Variants in ANO10 observed in about 807,000 individuals in gnomAD.
ANO10 encodes the protein anoctamin-10.
A neutral mutation model predicts 74.7 loss-of-function variants in ANO10; 77 were observed. That is an observed-to-expected ratio of 1.03 (90% CI 0.86 to 1.25). The LOEUF is 1.25. Ranked by LOEUF, ANO10 falls within the 50% of genes most tolerant of loss-of-function variation. The pLI is 0.00. For synonymous variants in ANO10, 279 were observed against 284.9 expected (o/e 0.98, Z 0.21); for missense variants, 721 against 778.1 (o/e 0.93, Z 0.87).
At chr3:43,539,867 C>CT (rs1403433353) in intron 11 of ANO10, among the ~76,000 whole-genome samples, 3 of 152,200 alleles carry the variant, frequency 2.0e-5, no homozygotes, top group Admixed American at 2.0e-4. Context: ...AAAACGATCT[C>CT]TTGCAGAGGG....
rs369256840 is a variant in ANO10, at chr3:43,489,183, G to A, written c.1798-56456C>T. On this transcript the variant is annotated intron_variant, in intron 11 of 12. Coordinates refer to ENST00000292246, the MANE Select transcript of ANO10 (RefSeq NM_018075.5). ...TGGGGACTGTTGTGGGGTGGGGGGA[G>A]GGGGGAGGGATAGCATTGGGAGATA... 3.5e-4 allele frequency among the ~76,000 whole-genome samples: 40 copies of A among 115,650 alleles called. 1 individual carries two copies. The South Asian group carries it at 4.0e-3, about 12-fold the overall frequency. The allele number at this position is 115,650 out of a possible 152,430, so 75.9% of individuals were successfully genotyped here. A position where few individuals can be genotyped will look rare whatever the true frequency, so the allele number is the denominator to read the frequency against.
intron 1 of ANO10, among the ~76,000 whole-genome samples, chr3:43,616,684 T>G (rs1347124706): frequency 2.0e-5 from 3 of 152,148 alleles, no homozygotes; most frequent in African/African-American, 7.2e-5. Flanking sequence ...GCTCTGCTCC[T>G]CTTGTGCCCA....
intron 11 of ANO10, among the ~76,000 whole-genome samples, chr3:43,457,966 TA>T (rs1237420023): frequency 2.0e-5 from 3 of 152,002 alleles, no homozygotes; most frequent in Non-Finnish European, 4.4e-5. Flanking sequence ...CCTATTCCTA[TA>T]GGAGTTTGTG....
chr3:43,557,080 T>A (rs1462661645), intron 9 of ANO10, among the ~76,000 whole-genome samples: 4 of 151,712 alleles, frequency 2.6e-5, no homozygotes, highest in Non-Finnish European at 5.9e-5. Context: ...TTTAAAGAGA[T>A]ACTATTTATA....
At position 43,673,756 on chromosome 3, in the gene ANO10, A is replaced by AAC. The variant is rs745693718; in HGVS notation, c.-12+17759_-12+17760dup. Among the ~76,000 whole-genome samples, 16 of 152,300 alleles carry AAC rather than the reference A, an allele frequency of 1.1e-4. 1 individual carries two copies. Among genetic ancestry groups the AAC allele is most frequent in the South Asian group, 2.1e-4 (1 of 4,826 alleles). ...AATGAAATAGAAGGCAGAGGAAAAG[A>AAC]ACACTATTAAAATTCTCTCCCCAAA... On this transcript the variant is annotated intron_variant, in intron 1 of 3. Coordinates refer to the ANO10 transcript ENST00000413397.
intron 11 of ANO10, among the ~76,000 whole-genome samples, chr3:43,503,824 C>T (rs568245612): frequency 6.6e-6 from 1 of 152,174 alleles, no homozygotes; most frequent in South Asian, 2.1e-4. Context: ...GTCATTTATC[C>T]TATTAAAAAC....
intron 11 of ANO10, among the ~76,000 whole-genome samples, chr3:43,507,871 G>A (rs1333577513): frequency 6.6e-6 from 1 of 152,082 alleles, no homozygotes; most frequent in Non-Finnish European, 1.5e-5. Flanking sequence ...CTGTTGAAGA[G>A]CATAAACAAT....
chr3:43,565,774 G>A (rs1410158261), intron 7 of ANO10, 47 bp from the exon 8 acceptor site: 1 of 1,524,224 alleles, frequency 6.6e-7, no homozygotes, highest in East Asian at 2.5e-5. Context: ...CACTGCTTTA[G>A]AGTACTTTAC....
chr3:43,543,631 C>A (rs1265123876), intron 11 of ANO10, among the ~76,000 whole-genome samples: 1 of 152,190 alleles, frequency 6.6e-6, no homozygotes, highest in Non-Finnish European at 1.5e-5. Flanking sequence ...CTGTGATCTG[C>A]CCGCTTCGGC....
chr3:43,662,595 T>C (rs1239561966), intron 1 of ANO10, among the ~76,000 whole-genome samples: 2 of 150,704 alleles, frequency 1.3e-5, no homozygotes, highest in Admixed American at 6.6e-5. Flanking sequence ...CACAAAAAAA[T>C]AAATGAATCC....
chr3:43,433,538 T>G (rs1167814170), intron 11 of ANO10, among the ~76,000 whole-genome samples: 1 of 152,190 alleles, frequency 6.6e-6, no homozygotes, highest in Non-Finnish European at 1.5e-5. Context: ...AAATAAAGAT[T>G]AATTCAATGA....
rs768831597 is a variant in ANO10, at chr3:43,605,729, T to A, written c.124A>T (p.Lys42Ter). 1.2e-5 allele frequency: 19 copies of A among 1,613,560 alleles called. No individual in the cohort carries two copies. Among genetic ancestry groups the A allele is most frequent in the Non-Finnish European group, 1.6e-5 (19 of 1,179,590 alleles). Residue 42 changes from lysine (K) to a stop codon, truncating the protein, a stop_gained, in exon 2 of 13, where the codon AAA becomes TAA. Transcript: ENST00000292246. LOFTEE classifies it high-confidence loss of function. ...KEWLKNRIIA[K>*]KKDGGAQLLF... ...TTTTACTCACCTCCATCTTTTTTTT[T>A]AGCTATAATTCTGTTTTTCAGCCAT...
chr3:43,503,466 G>T (rs1457331296), intron 11 of ANO10, among the ~76,000 whole-genome samples: 1 of 152,160 alleles, frequency 6.6e-6, no homozygotes, highest in Non-Finnish European at 1.5e-5. Flanking sequence ...GATCAAATGT[G>T]ATGGCTCCAA....
At chr3:43,543,178 G>A (rs146068036) in intron 11 of ANO10, among the ~76,000 whole-genome samples, 50 of 152,244 alleles carry the variant, frequency 3.3e-4, no homozygotes, top group African/African-American at 1.2e-3. Flanking sequence ...AGTTGAGAGA[G>A]AGGAAGAACA....
At chr3:43,545,071 C>T (rs1021341305) in intron 11 of ANO10, among the ~76,000 whole-genome samples, 7 of 151,884 alleles carry the variant, frequency 4.6e-5, no homozygotes, top group Admixed American at 3.3e-4. Flanking sequence ...TCCATCAAGA[C>T]GTTAAAAATT....
intron 1 of ANO10, among the ~76,000 whole-genome samples, chr3:43,659,827 G>A (rs1016264549): frequency 2.0e-5 from 3 of 152,096 alleles, no homozygotes; most frequent in Non-Finnish European, 4.4e-5. Context: ...CTCCCAGTAG[G>A]GGCCGACAAA....
intron 1 of ANO10, among the ~76,000 whole-genome samples, chr3:43,673,258 T>C (rs1046795455): frequency 1.3e-5 from 2 of 152,184 alleles, no homozygotes; most frequent in African/African-American, 4.8e-5. Context: ...GAAAATGTAA[T>C]AGAGCCAAGA....
At chr3:43,415,934 A>G (rs2092731979) in intron 12 of ANO10, among the ~76,000 whole-genome samples, 2 of 152,124 alleles carry the variant, frequency 1.3e-5, no homozygotes, top group Non-Finnish European at 2.9e-5. Context: ...GCTATCCTGG[A>G]TAAAGTTTAA....
chr3:43,404,140 G>A (rs2092532773), intron 12 of ANO10, among the ~76,000 whole-genome samples: 1 of 152,218 alleles, frequency 6.6e-6, no homozygotes, highest in Non-Finnish European at 1.5e-5. Context: ...TAGTAAGTGA[G>A]CAGCCATTTA....
Sources: allele counts gnomAD v4.1 joint callset (sites outside exome capture counted in the v4.1 genomes callset), GRCh38; gene constraint gnomAD v4.1.1; transcripts MANE v1.5; gene names NCBI Gene and HGNC (gene_info 2026-07-23, HGNC 2026-07-21).